Variants in SHANK2 observed in about 807,000 individuals in gnomAD.
The protein encoded by SHANK2 is SH3 and multiple ankyrin repeat domains protein 2.
A neutral mutation model predicts 133.7 loss-of-function variants in SHANK2; 43 were observed. The observed-to-expected ratio is 0.32, with a 90% CI of 0.25 to 0.41. SHANK2 has a LOEUF of 0.41. Ranked by LOEUF, SHANK2 falls within the 10% of genes least tolerant of loss-of-function variation. SHANK2 has a pLI of 1.00. For synonymous variants in SHANK2, 1,017 were observed against 952.8 expected, an observed-to-expected ratio of 1.07 and a Z score of -1.24; for missense variants, 1,994 against 2,235.8, an observed-to-expected ratio of 0.89 and a Z score of 2.18.
chr11:70,848,900 A>C (rs1260941582), intron 11 of SHANK2, among the ~76,000 whole-genome samples: 1 of 152,218 alleles, frequency 6.6e-6, no homozygotes, highest in African/African-American at 2.4e-5. Flanking sequence ...CAACAAGTGC[A>C]TGATGCTGGG....
chr11:70,788,581 A>C (rs1228076273), intron 14 of SHANK2, among the ~76,000 whole-genome samples: 2 of 152,152 alleles, frequency 1.3e-5, no homozygotes, highest in African/African-American at 4.8e-5. Context: ...AGGGCAGTAC[A>C]GGGTTCAGCG....
intron 17 of SHANK2, among the ~76,000 whole-genome samples, chr11:70,561,248 G>A (rs1360095608): frequency 6.6e-6 from 1 of 152,018 alleles, no homozygotes; most frequent in Non-Finnish European, 1.5e-5. Flanking sequence ...CTACCTCTGA[G>A]GCTCAATCAA....
chr11:70,777,220 C>T (rs1555044097), intron 14 of SHANK2, among the ~76,000 whole-genome samples: 1 of 151,982 alleles, frequency 6.6e-6, no homozygotes, highest in African/African-American at 2.4e-5. Context: ...TTCACCCATC[C>T]ATCTATCCTC....
rs1288400631 is a variant in SHANK2 at position 70,909,909 on chromosome 11, G to T, written c.1108-13342C>A. Among the ~76,000 whole-genome samples the T allele has an allele frequency of 3.3e-5, 5 of 152,208 alleles. No homozygotes were observed. The South Asian group carries it at 1.0e-3, about 32-fold the overall frequency. On this transcript the variant is annotated intron_variant, in intron 10 of 25. Transcript: ENST00000601538. ...ATCACTAAGCACCACAGACCGGGCT[G>T]CTTAAGCCACAGACACTTATCATTT... is the stretch of plus-strand genomic sequence containing the variant.
Position 70,682,751 on chromosome 11 carries a change from G to A in SHANK2, c.1853+15937C>T, listed in dbSNP as rs1443828707. On this transcript the variant is annotated intron_variant, in intron 15 of 25. Coordinates refer to ENST00000601538, the MANE Select transcript of SHANK2 (RefSeq NM_012309.5). ...AGCCCTTGTCCTCCCAGGTCGGGGA[G>A]CATCCTGGTTCCTTTGTTGAACTCA... 5.3e-5 allele frequency among the ~76,000 whole-genome samples: 8 copies of A among 152,184 alleles called. 1 individual carries two copies. Among genetic ancestry groups the A allele is most frequent in the Admixed American group, 2.6e-4 (4 of 15,276 alleles).
At chr11:70,608,830 G>C (rs550119728) in intron 17 of SHANK2, among the ~76,000 whole-genome samples, 1 of 152,220 alleles carries the variant, frequency 6.6e-6, no homozygotes, top group East Asian at 1.9e-4. Flanking sequence ...GGTCTATTAC[G>C]CAAAACCTCA....
chr11:71,209,450 C>T (rs1954204738), intron 2 of SHANK2, among the ~76,000 whole-genome samples: 1 of 152,190 alleles, frequency 6.6e-6, no homozygotes, highest in South Asian at 2.1e-4. Flanking sequence ...GGGGGTCAGG[C>T]TTCCCTGTCC....
intron 2 of SHANK2, among the ~76,000 whole-genome samples, chr11:71,161,991 C>T (rs1953028958): frequency 6.6e-6 from 1 of 152,204 alleles, no homozygotes; most frequent in Non-Finnish European, 1.5e-5. Flanking sequence ...TGGAGGCTCC[C>T]TAAGCCATTG....
chr11:70,672,843 G>A (rs1473720610), intron 15 of SHANK2, among the ~76,000 whole-genome samples: 1 of 152,206 alleles, frequency 6.6e-6, no homozygotes, highest in Non-Finnish European at 1.5e-5. Context: ...ATTTTTGGAA[G>A]GAAGGAAAAG....
rs1945454523 is a variant in SHANK2, at chr11:70,698,754, G to A, written c.1787C>T (p.Ala596Val). 2.8e-6 allele frequency: 2 copies of A among 718,652 alleles called. No individual in the cohort carries two copies. The highest frequency in any genetic ancestry group is 2.7e-5 in the East Asian group (1 of 37,294). 44.5% of individuals were successfully genotyped at this position (718,652 alleles called of 1,614,324 possible). A position where few individuals can be genotyped will look rare whatever the true frequency, so the allele number is the denominator to read the frequency against. The change falls in exon 15 of 26, where the codon GCT (alanine) becomes GTT (valine). Residue 596 changes from alanine to valine, a missense_variant. Coordinates refer to ENST00000601538, the MANE Select transcript of SHANK2 (RefSeq NM_012309.5). ...KPRDSQAETRADRSKKLFRHY... is the reference protein window; with the variant it reads ...KPRDSQAETRVDRSKKLFRHY... Reference sequence around the variant, plus strand: ...CCTGAAAAGCTTCTTGCTGCGGTCAGCGCGGGTTTCTGTACAGAGAGGGAA... The same window carrying A: ...CCTGAAAAGCTTCTTGCTGCGGTCAACGCGGGTTTCTGTACAGAGAGGGAA...
chr11:70,780,424 TA>T (rs1947456329), intron 14 of SHANK2, among the ~76,000 whole-genome samples: 1 of 152,158 alleles, frequency 6.6e-6, no homozygotes, highest in Non-Finnish European at 1.5e-5. Flanking sequence ...GGCCTGGCTC[TA>T]AATGAGTTTT....
Position 70,830,136 on chromosome 11 carries a change from C to A in SHANK2, c.1175-9454G>T, listed in dbSNP as rs908257638. 2.0e-5 allele frequency among the ~76,000 whole-genome samples: 3 copies of A among 152,176 alleles called. No individual in the cohort carries two copies. Among genetic ancestry groups the A allele is most frequent in the African/African-American group, 7.2e-5 (3 of 41,442 alleles). The stretch of plus-strand genomic sequence containing the variant: ...CAGACTCTGCCCCGACAAACGCAAA[C>A]CTTTGTGCAGCCTCCAGGGCAGTTT... On this transcript the variant is annotated intron_variant, in intron 11 of 25. Transcript: ENST00000601538. The surrounding 1 kb of genome is among the most constrained non-coding windows in gnomAD (Gnocchi z 4.4).
At chr11:70,689,114 T>C (rs1945221245) in intron 15 of SHANK2, among the ~76,000 whole-genome samples, 1 of 152,162 alleles carries the variant, frequency 6.6e-6, no homozygotes, top group South Asian at 2.1e-4. Context: ...GGCTGGTTTG[T>C]TCACAAAGAG....
Position 70,551,862 on chromosome 11 carries a change from T to A in SHANK2, c.2062-48931A>T, listed in dbSNP as rs569596965. ...GTTCTGTAGCAGGCACAGTCAGGAGTGCTGGGCTAGGACCCTGCCGTATGG... is the reference window on the plus strand; with the variant it reads ...GTTCTGTAGCAGGCACAGTCAGGAGAGCTGGGCTAGGACCCTGCCGTATGG... On this transcript the variant is annotated intron_variant, in intron 17 of 25. Coordinates refer to ENST00000601538, the MANE Select transcript of SHANK2 (RefSeq NM_012309.5). 1.2e-4 allele frequency among the ~76,000 whole-genome samples: 19 copies of A among 152,016 alleles called. No homozygotes were observed. In the East Asian group the frequency reaches 3.7e-3, roughly 30 times the overall value.
intron 14 of SHANK2, among the ~76,000 whole-genome samples, chr11:70,797,832 TACACACACACACACACACACACACAC>T (rs368707688): frequency 7.0e-6 from 1 of 141,942 alleles, no homozygotes; most frequent in Admixed American, 7.1e-5. Context: ...TCCACTCTCA[TACACACACACACACACACACACACAC>T]ACACACACAC....
At chr11:71,194,168 G>A (rs1953851457) in intron 2 of SHANK2, among the ~76,000 whole-genome samples, 1 of 152,072 alleles carries the variant, frequency 6.6e-6, no homozygotes. Context: ...CAGGTATTCG[G>A]GTAACCCAGG....
rs930417273 is a variant in SHANK2 at position 70,739,915 on chromosome 11, C to T, written c.1778-41152G>A. Among the ~76,000 whole-genome samples the T allele has an allele frequency of 6.6e-6, 1 of 152,246 alleles. No individual in the cohort carries two copies. Among genetic ancestry groups the T allele is most frequent in the Admixed American group, 6.5e-5 (1 of 15,290 alleles). ...GCCGCAGAGGATGATGATCCCGAAT[C>T]CTGGCATTCGGTGGCACGCAGGTAG... On this transcript the variant is annotated intron_variant, in intron 14 of 25. Coordinates refer to ENST00000601538, the MANE Select transcript of SHANK2 (RefSeq NM_012309.5). The surrounding 1 kb of genome is among the most constrained non-coding windows in gnomAD (Gnocchi z 4.3).
chr11:70,827,636 G>GT (rs1203681871), intron 11 of SHANK2, among the ~76,000 whole-genome samples: 3 of 134,836 alleles, frequency 2.2e-5, no homozygotes, highest in Non-Finnish European at 4.7e-5. Flanking sequence ...GTGTGTGTGT[G>GT]TGTTTTTTTT....
At chr11:71,220,760 G>A (rs1555120936) in intron 2 of SHANK2, among the ~76,000 whole-genome samples, 1 of 152,176 alleles carries the variant, frequency 6.6e-6, no homozygotes, top group Non-Finnish European at 1.5e-5. Flanking sequence ...GGGGTTGTCA[G>A]GGGCTGGGGA....
Sources: allele counts gnomAD v4.1 joint callset (sites outside exome capture counted in the v4.1 genomes callset), GRCh38; gene constraint gnomAD v4.1.1; non-coding constraint Gnocchi (gnomAD v3.1); transcripts MANE v1.5; gene names NCBI Gene and HGNC (gene_info 2026-07-23, HGNC 2026-07-21).